Variants in MESD observed in about 807,000 individuals in gnomAD.
MESD encodes LRP chaperone MESD.
Under a neutral mutation model 12.9 loss-of-function variants are expected in MESD, and 7 were observed. That is an observed-to-expected ratio of 0.54 (90% confidence interval 0.31 to 1.02). The LOEUF (loss-of-function observed/expected upper bound fraction) is 1.02. Ranked by LOEUF, MESD falls within the 50% of genes least tolerant of loss-of-function variation. The probability of loss-of-function intolerance (pLI) is 0.05; values close to 1 mark genes in which losing one functional copy is unlikely to be tolerated. For synonymous variants in MESD, 126 were observed against 115.6 expected (o/e 1.09, Z -0.58); for missense variants, 342 against 296.7 (o/e 1.15, Z -1.12).
At chr15:80,975,569 G>T (rs578243342), downstream of MESD, among the ~76,000 whole-genome samples, 146 of 151,964 alleles carry the variant, frequency 9.6e-4, no homozygotes, top group African/African-American at 3.4e-3. Flanking sequence ...GAAAAAGTTT[G>T]TGAGTTCCTT....
In MESD at chr15:80,976,145, C is replaced by T. The variant is rs113727948; in HGVS notation, c.*3074G>A. On this transcript the variant is annotated 3_prime_UTR_variant, in exon 3 of 3. Coordinates refer to ENST00000261758, the MANE Select transcript of MESD (RefSeq NM_015154.3). ...ACCTGAGTAGCTGGGATTACAGGCC[C>T]GCACCACCACACTCGGCTAATTTTT... 0.026 allele frequency: 3,952 copies of T among 152,468 alleles called. 166 individuals are homozygous for T. The highest frequency in any genetic ancestry group is 0.089 in the African/African-American group (3,690 of 41,524). 9.4% of individuals were successfully genotyped at this position (152,468 alleles called of 1,614,324 possible).
chr15:80,947,071 G>C (rs377570884), downstream of MESD: 83 of 1,594,170 alleles, frequency 5.2e-5, no homozygotes, highest in Non-Finnish European at 6.7e-5. Context: ...GAAAGGTAAG[G>C]GTTTGAACTG....
At chr15:80,983,488 T>C (rs901445810) in intron 1 of MESD, among the ~76,000 whole-genome samples, 1 of 152,118 alleles carries the variant, frequency 6.6e-6, no homozygotes, top group Non-Finnish European at 1.5e-5. Flanking sequence ...TTCTGGGAAG[T>C]AAGTTACAAA....
chr15:80,980,372 A>G (rs934490136), intron 2 of MESD, among the ~76,000 whole-genome samples: 4 of 152,230 alleles, frequency 2.6e-5, no homozygotes, highest in African/African-American at 9.6e-5. Context: ...CAGATTTCTT[A>G]AAATTGTACC....
At chr15:80,964,409 C>A (rs1236693311) in intron 3 of MESD, among the ~76,000 whole-genome samples, 1 of 152,164 alleles carries the variant, frequency 6.6e-6, no homozygotes, top group Non-Finnish European at 1.5e-5. Context: ...TTTATAGATT[C>A]AATGCTATCC....
At chr15:80,948,635 A>G in exon 5 of MESD, 2 of 930,464 alleles carry the variant, frequency 2.1e-6, no homozygotes, top group Admixed American at 3.6e-5. Flanking sequence ...GTCAGGCACC[A>G]TCAGTAGCTG....
chr15:80,964,758 A>C (rs1316512427), intron 3 of MESD, among the ~76,000 whole-genome samples: 1 of 152,260 alleles, frequency 6.6e-6, no homozygotes, highest in Non-Finnish European at 1.5e-5. Context: ...CCATATGTAG[A>C]AAGCTGAAAC....
chr15:80,977,960 AG>A lies in MESD; in HGVS notation c.*1258del, dbSNP rs1267614970. On this transcript the variant is annotated 3_prime_UTR_variant, in exon 3 of 3. Transcript: ENST00000261758. ...GAATGCAGAGGGTGTGGTTCTTTCG[AG>A]GGAAATGTGAGCAGCTACCAAATTA... 2 of 152,210 alleles carry A rather than the reference AG, an allele frequency of 1.3e-5. No individual in the cohort carries two copies. Among genetic ancestry groups the A allele is most frequent in the African/African-American group, 4.8e-5 (2 of 41,432 alleles). The allele number at this position is 152,210 out of a possible 1,614,324, so 9.4% of individuals were successfully genotyped here. A position where few individuals can be genotyped will look rare whatever the true frequency, so the allele number is the denominator to read the frequency against.
At chr15:80,989,491 A>G in intron 1 of MESD, 88 bp downstream of exon 1, 1 of 1,439,166 alleles carries the variant, frequency 6.9e-7, no homozygotes, top group Non-Finnish European at 9.5e-7. Flanking sequence ...AGGGGGTCAG[A>G]AAGGTCCCAA....
intron 3 of MESD, among the ~76,000 whole-genome samples, chr15:80,958,224 T>C (rs527635749): frequency 6.6e-5 from 10 of 152,314 alleles, no homozygotes; most frequent in African/African-American, 2.4e-4. Flanking sequence ...AGTAAATTCC[T>C]GGGTCAGGCT....
At chr15:80,946,655 C>T (rs115156548), downstream of MESD, 3,502 of 386,650 alleles carry the variant, frequency 9.1e-3, 116 homozygotes, top group African/African-American at 0.065. Flanking sequence ...TGGCATGGTA[C>T]GCTCTGCTTA....
Position 80,948,838 on chromosome 15 carries a change from A to C in MESD, c.*687T>G, listed in dbSNP as rs751232227. On this transcript the variant is annotated 3_prime_UTR_variant, in exon 5 of 5. Coordinates refer to the MESD transcript ENST00000561312. The stretch of plus-strand genomic sequence containing the variant: ...TGGCTTCAAAGGCAGCTTCCGGCCC[A>C]TCTGGGTGACACTGGACACTGAGGA... The C allele has an allele frequency of 1.2e-5, 19 of 1,614,104 alleles. No individual in the cohort carries two copies. Among genetic ancestry groups the C allele is most frequent in the Non-Finnish European group, 1.6e-5 (19 of 1,180,040 alleles).
At chr15:80,970,909 T>C (rs925171247), downstream of MESD, among the ~76,000 whole-genome samples, 2 of 152,170 alleles carry the variant, frequency 1.3e-5, no homozygotes, top group African/African-American at 4.8e-5. Context: ...ATGCTGAAGG[T>C]AGGCCTGGGT....
intron 1 of MESD, among the ~76,000 whole-genome samples, chr15:80,989,317 G>T (rs1353666881): frequency 6.6e-6 from 1 of 152,190 alleles, no homozygotes; most frequent in African/African-American, 2.4e-5. Context: ...GTGAGGGGCA[G>T]ATCCGTGATT....
chr15:80,974,034 A>G (rs188992428), downstream of MESD, among the ~76,000 whole-genome samples: 4 of 151,850 alleles, frequency 2.6e-5, no homozygotes, highest in East Asian at 7.8e-4. Flanking sequence ...CTTGGCAATC[A>G]TTTTTCCTTG....
chr15:80,956,564 T>C (rs72740138), intron 3 of MESD, among the ~76,000 whole-genome samples: 34,815 of 151,984 alleles, frequency 0.23, 5,028 homozygotes, highest in Non-Finnish European at 0.32. Context: ...ATCAAGAATT[T>C]ACAATTGGGG....
At chr15:80,953,814 T>G (rs565732052) in intron 3 of MESD, among the ~76,000 whole-genome samples, 2 of 152,230 alleles carry the variant, frequency 1.3e-5, no homozygotes, top group East Asian at 3.9e-4. Context: ...GTCAGTGCAG[T>G]GACAGCTAAC....
intron 3 of MESD, among the ~76,000 whole-genome samples, chr15:80,969,765 G>A (rs1408817800): frequency 1.3e-5 from 2 of 152,186 alleles, no homozygotes; most frequent in Non-Finnish European, 2.9e-5. Flanking sequence ...TGAGGCAGGA[G>A]AATCACTTGA....
At chr15:80,948,712 GC>G in exon 5 of MESD, 1 of 1,580,574 alleles carries the variant, frequency 6.3e-7, no homozygotes, top group Non-Finnish European at 8.7e-7. Context: ...GGCGTGGGGG[GC>G]TGGCGATGGG....
Sources: gnomAD v4.1 joint callset for allele counts (sites outside exome capture counted in the v4.1 genomes callset) on GRCh38, gnomAD v4.1.1 for gene constraint, MANE v1.5 for transcripts, NCBI Gene and HGNC (gene_info 2026-07-23, HGNC 2026-07-21) for gene names.